Variants in RUNX1 observed in about 807,000 individuals in gnomAD.
RUNX1 encodes RUNX family transcription factor 1.
RUNX1 carries 19 observed loss-of-function variants against 42.8 expected under a neutral mutation model. The ratio of observed to expected loss-of-function variants is 0.44; its 90% CI spans 0.31 to 0.65. RUNX1 has a LOEUF of 0.65. Among genes scored for constraint, RUNX1 ranks in the 30% least tolerant of loss-of-function variants. RUNX1 has a pLI of 0.07. For synonymous variants in RUNX1, 271 were observed against 289.4 expected (o/e 0.94, Z 0.64); for missense variants, 528 against 672.0 (o/e 0.79, Z 2.37).
rs1327042747 is a variant in RUNX1 at position 34,792,467 on chromosome 21, T to G, written c.1111A>C (p.Met371Leu). The change falls in exon 9 of 9, where the codon ATG (methionine) becomes CTG (leucine). Residue 371 changes from methionine to leucine, a missense_variant. Transcript: ENST00000675419. This position sits in a 1 kb window ranked among gnomAD's most constrained non-coding sequence, Gnocchi z 6.9. ...GTGTGGTAGCGCGTGGCCGAGCCCA[T>G]GGCCGACATGCCGATGCCGATGCCC... Reference protein sequence around the residue: ...TSGIGIGMSAMGSATRYHTYL... With the variant: ...TSGIGIGMSALGSATRYHTYL... 6.3e-7 allele frequency: 1 copy of G among 1,584,392 alleles called. No individual in the cohort carries two copies. Among genetic ancestry groups the G allele is most frequent in the East Asian group, 2.3e-5 (1 of 43,392 alleles).
intron 2 of RUNX1, among the ~76,000 whole-genome samples, chr21:35,009,267 C>T (rs2059107897): frequency 6.6e-6 from 1 of 152,100 alleles, no homozygotes; most frequent in African/African-American, 2.4e-5. Context: ...CTTTTAGGGG[C>T]CCAAATTGGG....
chr21:34,867,051 G>A (rs972592541), intron 5 of RUNX1, among the ~76,000 whole-genome samples: 1 of 152,098 alleles, frequency 6.6e-6, no homozygotes. Flanking sequence ...TGAGGACAGG[G>A]ACAGAATTTT....
rs113529220 is a variant in RUNX1 at position 34,874,906 on chromosome 21, G to A, written c.508+5651C>T. 9.0e-3 allele frequency among the ~76,000 whole-genome samples: 1,369 copies of A among 152,212 alleles called. 8 individuals carry two copies. Among genetic ancestry groups the A allele is most frequent in the Non-Finnish European group, 0.015 (1,041 of 68,006 alleles). ...CACTCAACCATTATTTCTCTTGCAGGCACTTTCTGATTGATAGTCTTCTGT... is the reference window on the plus strand; with the variant it reads ...CACTCAACCATTATTTCTCTTGCAGACACTTTCTGATTGATAGTCTTCTGT... On this transcript the variant is annotated intron_variant, in intron 5 of 8. Coordinates refer to ENST00000675419, the MANE Select transcript of RUNX1 (RefSeq NM_001754.5).
At chr21:34,837,457 A>C (rs1482600026) in intron 6 of RUNX1, among the ~76,000 whole-genome samples, 1 of 152,186 alleles carries the variant, frequency 6.6e-6, no homozygotes, top group African/African-American at 2.4e-5. Flanking sequence ...TTACTTTCTG[A>C]AACCATCAGA....
In RUNX1 at chr21:34,791,651, A is replaced by G. The variant is rs147934675; in HGVS notation, c.*484T>C. 0.011 allele frequency: 2,641 copies of G among 231,324 alleles called. 19 individuals are homozygous for G. Among genetic ancestry groups the G allele is most frequent in the African/African-American group, 0.024 (1,107 of 45,340 alleles). The allele number at this position is 231,324 out of a possible 1,614,324, so 14.3% of individuals were successfully genotyped here. ...TTGATAAGGTGCGGAAAAATTAAAA[A>G]TAAGAATTAGATGCCAAACAGGGCG... is the stretch of plus-strand genomic sequence containing the variant. On this transcript the variant is annotated 3_prime_UTR_variant, in exon 9 of 9. Transcript: ENST00000675419.
At chr21:35,044,758 C>G (rs1271421284) in intron 2 of RUNX1, among the ~76,000 whole-genome samples, 2 of 152,228 alleles carry the variant, frequency 1.3e-5, no homozygotes, top group Non-Finnish European at 2.9e-5. Flanking sequence ...CCCAGCATCT[C>G]ACCAGGCTTG....
intron 7 of RUNX1, chr21:34,833,798 C>T (rs1433427569): frequency 5.0e-6 from 1 of 201,356 alleles, no homozygotes; most frequent in Non-Finnish European, 1.1e-5. Flanking sequence ...CACAGTGGGC[C>T]TTAGGCAATT....
In RUNX1 at chr21:34,819,937, G is replaced by C. The variant is rs113315223; in HGVS notation, c.805+14473C>G. Among the ~76,000 whole-genome samples, 554 of 152,380 alleles carry C rather than the reference G, an allele frequency of 3.6e-3. 3 individuals carry two copies. Among genetic ancestry groups the C allele is most frequent in the African/African-American group, 0.012 (487 of 41,594 alleles). ...CGGGCTTGTGGGAGGAATCGGCACA[G>C]GATGGTATTTACTCAAAATCACACA... is the stretch of plus-strand genomic sequence containing the variant. On this transcript the variant is annotated intron_variant, in intron 7 of 8. Coordinates refer to ENST00000675419, the MANE Select transcript of RUNX1 (RefSeq NM_001754.5).
intron 2 of RUNX1, among the ~76,000 whole-genome samples, chr21:34,947,036 C>T (rs941249008): frequency 6.6e-6 from 1 of 152,178 alleles, no homozygotes; most frequent in Non-Finnish European, 1.5e-5. Flanking sequence ...TTCTTCAACC[C>T]ATAGTCATAA....
intron 5 of RUNX1, among the ~76,000 whole-genome samples, chr21:34,867,085 T>C (rs2057673488): frequency 1.3e-5 from 2 of 152,164 alleles, no homozygotes; most frequent in South Asian, 4.1e-4. Flanking sequence ...TCTTCTATTC[T>C]GAGGCAATAA....
intron 7 of RUNX1, among the ~76,000 whole-genome samples, chr21:34,817,812 A>T (rs930573017): frequency 6.6e-6 from 1 of 152,138 alleles, no homozygotes; most frequent in Non-Finnish European, 1.5e-5. Context: ...CTAAGTAATG[A>T]TCCTTCAGAG....
At chr21:34,834,262 C>T in intron 7 of RUNX1, 148 bp downstream of exon 7, 1 of 818,962 alleles carries the variant, frequency 1.2e-6, no homozygotes, top group Non-Finnish European at 2.1e-6. Flanking sequence ...TCCAACAGCT[C>T]CCAGGTGGTG....
intron 5 of RUNX1, among the ~76,000 whole-genome samples, chr21:34,864,422 T>C (rs983189007): frequency 2.0e-5 from 3 of 152,204 alleles, no homozygotes; most frequent in African/African-American, 7.2e-5. Context: ...CAGGACCCAG[T>C]GCAGGGGTGG....
intron 8 of RUNX1, among the ~76,000 whole-genome samples, chr21:34,793,288 A>G (rs1257525278): frequency 6.6e-6 from 1 of 152,156 alleles, no homozygotes; most frequent in Non-Finnish European, 1.5e-5. Context: ...ATACGGTAAT[A>G]TAGAATATCA....
At chr21:34,923,568 G>C (rs2058370628) in intron 2 of RUNX1, among the ~76,000 whole-genome samples, 1 of 152,170 alleles carries the variant, frequency 6.6e-6, no homozygotes, top group Non-Finnish European at 1.5e-5. Flanking sequence ...TGTTGACCTA[G>C]TTTATAAAGT....
chr21:34,904,419 A>G (rs2058201971), intron 2 of RUNX1, among the ~76,000 whole-genome samples: 1 of 152,220 alleles, frequency 6.6e-6, no homozygotes, highest in Non-Finnish European at 1.5e-5. Flanking sequence ...AAAAATTATT[A>G]GAAACATACA....
intron 3 of RUNX1, chr21:34,887,310 T>C: frequency 6.9e-7 from 1 of 1,452,154 alleles, no homozygotes; most frequent in South Asian, 1.4e-5. Flanking sequence ...GGGGAAAACG[T>C]TCTGGTTCTG....
chr21:34,849,312 TTA>T lies in RUNX1; in HGVS notation c.613+10160_613+10161del, dbSNP rs563908953. Among the ~76,000 whole-genome samples, 63 of 36,238 alleles carry T rather than the reference TTA, an allele frequency of 1.7e-3. 3 individuals are homozygous for T. The highest frequency in any genetic ancestry group is 5.0e-3 in the African/African-American group (50 of 10,014). 23.8% of individuals were successfully genotyped at this position (36,238 alleles called of 152,430 possible). ...TTATATATAAAATATATAATATATATTATATATATATTATATATACTATATAT... is the reference window on the plus strand; with the variant it reads ...TTATATATAAAATATATAATATATATTATATATATTATATATACTATATAT... On this transcript the variant is annotated intron_variant, in intron 6 of 8. Coordinates refer to ENST00000675419, the MANE Select transcript of RUNX1 (RefSeq NM_001754.5).
At chr21:35,032,741 C>T (rs1388989300) in intron 2 of RUNX1, among the ~76,000 whole-genome samples, 2 of 152,232 alleles carry the variant, frequency 1.3e-5, no homozygotes, top group East Asian at 1.9e-4. Context: ...ATGTTGCCTG[C>T]TCCTCTCTGC....
Sources: allele counts gnomAD v4.1 joint callset (sites outside exome capture counted in the v4.1 genomes callset), GRCh38; gene constraint gnomAD v4.1.1; non-coding constraint Gnocchi (gnomAD v3.1); transcripts MANE v1.5; gene names NCBI Gene and HGNC (gene_info 2026-07-23, HGNC 2026-07-21).